The following ABCA5 variants were observed in gnomAD, a reference collection of about 807,000 sequenced individuals.
The protein encoded by ABCA5 is cholesterol transporter ABCA5.
A neutral mutation model predicts 206.0 loss-of-function variants in ABCA5; 163 were observed. The ratio of observed to expected loss-of-function variants is 0.79; its 90% confidence interval spans 0.70 to 0.90. ABCA5 has a LOEUF of 0.90. ABCA5 is among the 40% of genes least tolerant of loss of function. The pLI, the probability that ABCA5 is intolerant of heterozygous loss-of-function variation, is 0.00. For synonymous variants in ABCA5, 609 were observed against 613.8 expected (o/e 0.99, Z 0.11); for missense variants, 1,859 against 1,912.9 (o/e 0.97, Z 0.53).
Position 69,296,722 on chromosome 17 carries a change from T to C in ABCA5, c.1436+469A>G, listed in dbSNP as rs574080195. ...GCTTACGCCTGTAATCCCAGCACTT[T>C]GGGAGGCCGAGGCAGGTGGATCACC... On this transcript the variant is annotated intron_variant, in intron 10 of 38. Coordinates refer to ENST00000392676, the MANE Select transcript of ABCA5 (RefSeq NM_172232.4). 9.8e-5 allele frequency among the ~76,000 whole-genome samples: 15 copies of C among 152,314 alleles called. No individual in the cohort carries two copies. In the East Asian group the frequency reaches 2.9e-3, roughly 29 times the overall value.
At chr17:69,277,868 T>C (rs1659949581) in intron 18 of ABCA5, 26 bp from the exon 19 acceptor site, 2 of 1,435,174 alleles carry the variant, frequency 1.4e-6, no homozygotes, top group Non-Finnish European at 1.9e-6. Context: ...AAACAAACAT[T>C]TCAGTATGTT....
chr17:69,281,761 T>C (rs1286754002), intron 18 of ABCA5, among the ~76,000 whole-genome samples: 1 of 152,182 alleles, frequency 6.6e-6, no homozygotes, highest in African/African-American at 2.4e-5. Flanking sequence ...CATGAATAAT[T>C]AAATTCTAGT....
intron 10 of ABCA5, among the ~76,000 whole-genome samples, chr17:69,295,434 T>C (rs2075574933): frequency 6.6e-6 from 1 of 152,192 alleles, no homozygotes; most frequent in Non-Finnish European, 1.5e-5. Flanking sequence ...ATATGCAATT[T>C]ACTGGAGAGA....
intron 15 of ABCA5, among the ~76,000 whole-genome samples, chr17:69,286,628 C>T (rs1379112416): frequency 6.6e-6 from 1 of 152,112 alleles, no homozygotes; most frequent in Non-Finnish European, 1.5e-5. Flanking sequence ...AAAAGGCTTA[C>T]CAATACAAGC....
intron 1 of ABCA5, among the ~76,000 whole-genome samples, chr17:69,325,122 A>G (rs560395487): frequency 1.4e-5 from 2 of 144,968 alleles, no homozygotes; most frequent in East Asian, 4.1e-4. Context: ...TGGGCAACAT[A>G]GAGAGACACT....
At chr17:69,325,651 T>C (rs2075892602) in intron 1 of ABCA5, 1 of 152,164 alleles carries the variant, frequency 6.6e-6, no homozygotes, top group Non-Finnish European at 1.5e-5. Context: ...CAAACCAGCC[T>C]GGGCAATATA....
chr17:69,264,425 T>C (rs1000923090), intron 24 of ABCA5, among the ~76,000 whole-genome samples: 1 of 152,172 alleles, frequency 6.6e-6, no homozygotes, highest in African/African-American at 2.4e-5. Context: ...TTTTCAGGCA[T>C]AAGAAAAACG....
intron 1 of ABCA5, among the ~76,000 whole-genome samples, chr17:69,323,947 T>C (rs1044824002): frequency 1.3e-5 from 2 of 152,236 alleles, no homozygotes; most frequent in South Asian, 2.1e-4. Flanking sequence ...TCAGTGTCTA[T>C]AAATACAGTG....
Position 69,254,466 on chromosome 17 carries a change from C to T in ABCA5, c.4093G>A (p.Glu1365Lys). ...AGTGAATCATCATCTTCACTTGTCT[C>T]TGAAGAATAATCTCCTAAAAATACC... is the stretch of plus-strand genomic sequence containing the variant. ...GQVFLGDYSS[E>K]TSEDDDSLKC... The change falls in exon 32 of 39, where the codon GAG becomes AAG. Residue 1365 changes from glutamate (E) to lysine (K), a missense_variant. By Grantham distance (56) the Glu-to-Lys change is moderately conservative (BLOSUM62 1). Transcript: ENST00000392676. The T allele has an allele frequency of 6.2e-7, 1 of 1,611,476 alleles. No individual in the cohort carries two copies. The highest frequency in any genetic ancestry group is 8.5e-7 in the Non-Finnish European group (1 of 1,179,198).
In ABCA5 at chr17:69,246,517, T is replaced by C. The variant is rs1342939717; in HGVS notation, c.*1020A>G. 2.0e-5 allele frequency: 3 copies of C among 152,000 alleles called. No homozygotes were observed. The highest frequency in any genetic ancestry group is 4.4e-5 in the Non-Finnish European group (3 of 67,844). 9.4% of individuals were successfully genotyped at this position (152,000 alleles called of 1,614,324 possible). On this transcript the variant is annotated 3_prime_UTR_variant, in exon 39 of 39. Transcript: ENST00000392676. ...CGCACTGCACTTACAATTCTTAATTTAACCCTTGAAAGAGTTTATTCATAT... is the reference window on the plus strand; with the variant it reads ...CGCACTGCACTTACAATTCTTAATTCAACCCTTGAAAGAGTTTATTCATAT...
chr17:69,319,342 G>C (rs1467348134), intron 1 of ABCA5, among the ~76,000 whole-genome samples: 1 of 152,142 alleles, frequency 6.6e-6, no homozygotes, highest in Non-Finnish European at 1.5e-5. Flanking sequence ...TTATATAACA[G>C]ACTCATAGAG....
chr17:69,290,205 A>G (rs572908168), intron 12 of ABCA5, among the ~76,000 whole-genome samples, 168 bp from the exon 13 acceptor site: 1 of 152,300 alleles, frequency 6.6e-6, no homozygotes, highest in East Asian at 1.9e-4. Context: ...ATCCGCATCC[A>G]CTTATATTTC....
At chr17:69,297,438 A>G in intron 9 of ABCA5, 79 bp from the exon 10 acceptor site, 1 of 1,352,612 alleles carries the variant, frequency 7.4e-7, no homozygotes, top group Non-Finnish European at 1.0e-6. Context: ...ACATATGACA[A>G]CCTGCATCTA....
Position 69,290,030 on chromosome 17 carries a change from T to C in ABCA5, c.1614A>G (p.Ala538=), listed in dbSNP as rs2075508528. The change falls in exon 13 of 39, where the codon GCA becomes GCG. Residue 538 remains alanine, a synonymous_variant. Transcript: ENST00000392676. ...CTGAGACTCTGTGTCCATATATAGA[T>C]GCAAACCCTAAAAGCAAAATATATA... ...CGLCPPSDGF[A]SIYGHRVSEI... The C allele has an allele frequency of 1.9e-6, 3 of 1,579,320 alleles. No homozygotes were observed. The highest frequency in any genetic ancestry group is 2.6e-6 in the Non-Finnish European group (3 of 1,167,608).
intron 3 of ABCA5, among the ~76,000 whole-genome samples, chr17:69,309,960 CTTATG>C (rs1333062064): frequency 6.6e-6 from 1 of 152,074 alleles, no homozygotes; most frequent in East Asian, 1.9e-4. Context: ...CAGTGTTATA[CTTATG>C]TTATAAATAT....
At chr17:69,317,426 A>C (rs62080892) in intron 1 of ABCA5, among the ~76,000 whole-genome samples, 13 of 149,278 alleles carry the variant, frequency 8.7e-5, no homozygotes, top group Non-Finnish European at 1.5e-4. Flanking sequence ...AAAAAAAGGA[A>C]TGAAGTACTG....
intron 1 of ABCA5, among the ~76,000 whole-genome samples, chr17:69,315,592 G>C (rs1188004070): frequency 2.6e-5 from 4 of 152,136 alleles, no homozygotes; most frequent in African/African-American, 9.7e-5. Flanking sequence ...AGACCAGCCT[G>C]ACCAACATGG....
At chr17:69,253,184 ATC>A (rs545417836) in intron 34 of ABCA5, among the ~76,000 whole-genome samples, 2 of 152,320 alleles carry the variant, frequency 1.3e-5, no homozygotes, top group South Asian at 2.1e-4. Flanking sequence ...CTCAGAATGT[ATC>A]TCTGTCATTA....
At chr17:69,249,324 C>A (rs1271837169) in intron 37 of ABCA5, 1 of 152,102 alleles carries the variant, frequency 6.6e-6, no homozygotes, top group Non-Finnish European at 1.5e-5. Context: ...AGGTGATCTC[C>A]CTCAACTGTC....
Sources: allele counts gnomAD v4.1 joint callset (sites outside exome capture counted in the v4.1 genomes callset), GRCh38; gene constraint gnomAD v4.1.1; transcripts MANE v1.5; gene names NCBI Gene and HGNC (gene_info 2026-07-23, HGNC 2026-07-21).